MBNL2: variants seen among roughly 807,000 people sequenced by gnomAD.
MBNL2 encodes muscleblind-like protein 2.
A neutral mutation model predicts 41.9 loss-of-function variants in MBNL2; 17 were observed. That is an observed-to-expected ratio of 0.41 (90% CI 0.28 to 0.61). MBNL2 has a LOEUF of 0.61. Ranked by LOEUF, MBNL2 falls within the 20% of genes least tolerant of loss-of-function variation. The pLI is 0.35. For missense variants in MBNL2, 336 were observed against 505.6 expected (o/e 0.66, Z 3.22); for synonymous variants, 195 against 182.9 (o/e 1.07, Z -0.53).
intron 1 of MBNL2, among the ~76,000 whole-genome samples, chr13:97,222,936 T>A (rs1217814048): frequency 6.6e-6 from 1 of 152,106 alleles, no homozygotes; most frequent in African/African-American, 2.4e-5. Context: ...TAAAAAAAAA[T>A]TCATGGTAAA....
intron 2 of MBNL2, among the ~76,000 whole-genome samples, chr13:97,321,648 C>G (rs1464742364): frequency 8.5e-5 from 13 of 152,176 alleles, no homozygotes; most frequent in Admixed American, 6.6e-4. Context: ...TCTCTCTGAG[C>G]CTCATTTCCT....
the MBNL2 span, among the ~76,000 whole-genome samples, chr13:97,154,319 G>GT: frequency 1.3e-5 from 2 of 151,852 alleles, no homozygotes; most frequent in African/African-American, 4.8e-5. Flanking sequence ...TTTGTTTTTT[G>GT]TTTTTTGTTT....
intron 8 of MBNL2, among the ~76,000 whole-genome samples, chr13:97,389,238 G>A (rs1360202479): frequency 6.6e-6 from 1 of 152,170 alleles, no homozygotes; most frequent in African/African-American, 2.4e-5. Flanking sequence ...TCAAAGCCTT[G>A]CCATAGGTAA....
At chr13:97,256,981 C>T (rs1006733424) in intron 1 of MBNL2, among the ~76,000 whole-genome samples, 7 of 152,108 alleles carry the variant, frequency 4.6e-5, no homozygotes, top group Non-Finnish European at 8.8e-5. Context: ...TTTATTTCAT[C>T]GTTAGTTAAA....
chr13:97,353,086 C>G (rs1161813358), intron 5 of MBNL2, among the ~76,000 whole-genome samples: 1 of 152,214 alleles, frequency 6.6e-6, no homozygotes, highest in Non-Finnish European at 1.5e-5. Context: ...TTACATTCAT[C>G]AAGCTGCATA....
At chr13:97,390,849 G>T (rs2066343849) in intron 8 of MBNL2, among the ~76,000 whole-genome samples, 1 of 152,122 alleles carries the variant, frequency 6.6e-6, no homozygotes, top group Non-Finnish European at 1.5e-5. Context: ...AATTAAAAAT[G>T]CAAGTTAATA....
chr13:97,147,712 G>A, the MBNL2 span, among the ~76,000 whole-genome samples: 1 of 152,144 alleles, frequency 6.6e-6, no homozygotes, highest in Admixed American at 6.6e-5. Context: ...AGGAAGGATG[G>A]CATTGAGCTG....
At chr13:97,350,828 A>G (rs927391037) in intron 5 of MBNL2, among the ~76,000 whole-genome samples, 2 of 152,170 alleles carry the variant, frequency 1.3e-5, no homozygotes, top group South Asian at 2.1e-4. Context: ...GAACCCCTCA[A>G]AGTCATCCAT....
chr13:97,155,545 C>T, the MBNL2 span, among the ~76,000 whole-genome samples: 1 of 148,872 alleles, frequency 6.7e-6, no homozygotes, highest in Non-Finnish European at 1.5e-5. Flanking sequence ...ATCCCTCCCC[C>T]CTCCCCACAC....
In MBNL2 at chr13:97,344,874, G is replaced by A. The variant is rs149605144; in HGVS notation, c.540+1658G>A. ...TGAATCACAATGATTTTAGCAGAGC[G>A]GCTTTTGGTTCATTTCAAACCAGGA... On this transcript the variant is annotated intron_variant, in intron 4 of 8. Transcript: ENST00000679496. 3.5e-3 allele frequency among the ~76,000 whole-genome samples: 534 copies of A among 152,308 alleles called. 5 individuals are homozygous for A. Among genetic ancestry groups the A allele is most frequent in the African/African-American group, 0.012 (514 of 41,570 alleles).
chr13:97,172,168 C>A, the MBNL2 span, among the ~76,000 whole-genome samples: 2 of 152,102 alleles, frequency 1.3e-5, no homozygotes, highest in African/African-American at 4.8e-5. Flanking sequence ...GGCAGTGGAG[C>A]AGAGGTAACC....
chr13:97,144,782 G>C, the MBNL2 span, among the ~76,000 whole-genome samples: 10,194 of 152,214 alleles, frequency 0.067, 539 homozygotes, highest in African/African-American at 0.15. Flanking sequence ...CATGACGGCG[G>C]AGGATGAGGA....
the MBNL2 span, among the ~76,000 whole-genome samples, chr13:97,187,864 G>A: frequency 2.0e-5 from 3 of 150,236 alleles, no homozygotes; most frequent in African/African-American, 4.9e-5. Flanking sequence ...AGCTGAGATC[G>A]CGCCACCGCA....
At chr13:97,342,632 C>T (rs1189786674) in intron 3 of MBNL2, among the ~76,000 whole-genome samples, 1 of 152,146 alleles carries the variant, frequency 6.6e-6, no homozygotes, top group Non-Finnish European at 1.5e-5. Flanking sequence ...ACTCCTCTCC[C>T]TTTGAGAAAC....
chr13:97,258,956 G>A (rs545275472), intron 1 of MBNL2, among the ~76,000 whole-genome samples: 20 of 152,264 alleles, frequency 1.3e-4, no homozygotes, highest in Admixed American at 7.2e-4. Context: ...GCCTGACTTC[G>A]AGATATGTTA....
the MBNL2 span, among the ~76,000 whole-genome samples, chr13:97,152,339 G>C: frequency 6.6e-6 from 1 of 151,828 alleles, no homozygotes; most frequent in Admixed American, 6.6e-5. Flanking sequence ...CAAATGATAA[G>C]AGTTTCATAA....
At chr13:97,203,873 A>AATGGATGG in the MBNL2 span, among the ~76,000 whole-genome samples, 482 of 149,584 alleles carry the variant, frequency 3.2e-3, 1 homozygote, top group South Asian at 7.8e-3. Flanking sequence ...ATGATAAGTG[A>AATGGATGG]ATGGATGGAT....
chr13:97,190,472 TCTATG>T, the MBNL2 span, among the ~76,000 whole-genome samples: 1 of 152,074 alleles, frequency 6.6e-6, no homozygotes, highest in Non-Finnish European at 1.5e-5. Context: ...CCCAGAATTA[TCTATG>T]CTAAGCCTTG....
intron 8 of MBNL2, among the ~76,000 whole-genome samples, chr13:97,371,767 A>G (rs564679694): frequency 5.7e-4 from 87 of 152,270 alleles, no homozygotes; most frequent in Non-Finnish European, 9.6e-4. Context: ...TTACAAAGGG[A>G]GGTTACTTTT....
Sources: gnomAD v4.1 joint callset for allele counts (sites outside exome capture counted in the v4.1 genomes callset) on GRCh38, gnomAD v4.1.1 for gene constraint, MANE v1.5 for transcripts, NCBI Gene and HGNC (gene_info 2026-07-23, HGNC 2026-07-21) for gene names.